The following GRAMD1C variants were observed in gnomAD, a reference collection of about 807,000 sequenced individuals.
GRAMD1C encodes protein Aster-C.
Under a neutral mutation model 97.8 loss-of-function variants are expected in GRAMD1C, and 89 were observed. That is an observed-to-expected ratio of 0.91 (90% CI 0.77 to 1.09). The LOEUF is 1.09. GRAMD1C is among the 50% of genes least tolerant of loss of function. The pLI, the probability that GRAMD1C is intolerant of heterozygous loss-of-function variation, is 0.00. For synonymous variants in GRAMD1C, 256 were observed against 267.0 expected (o/e 0.96, Z 0.40); for missense variants, 740 against 766.4 (o/e 0.97, Z 0.41).
intron 7 of GRAMD1C, among the ~76,000 whole-genome samples, chr3:113,901,568 A>G (rs1402598790): frequency 6.6e-6 from 1 of 152,234 alleles, no homozygotes; most frequent in Non-Finnish European, 1.5e-5. Flanking sequence ...TATTGAATAC[A>G]TTAATGGAAG....
chr3:113,857,179 A>AT (rs1553716169), intron 2 of GRAMD1C, among the ~76,000 whole-genome samples: 13 of 151,546 alleles, frequency 8.6e-5, no homozygotes, highest in Admixed American at 2.6e-4. Flanking sequence ...AAACAAACAA[A>AT]AAAATAAAAC....
chr3:113,927,814 A>G (rs960739854), intron 10 of GRAMD1C, among the ~76,000 whole-genome samples: 1 of 152,182 alleles, frequency 6.6e-6, no homozygotes, highest in African/African-American at 2.4e-5. Context: ...GGCTAGCACC[A>G]AGTCTTGTCT....
chr3:113,941,003 T>C (rs1937749460), intron 17 of GRAMD1C, among the ~76,000 whole-genome samples: 1 of 152,252 alleles, frequency 6.6e-6, no homozygotes, highest in Non-Finnish European at 1.5e-5. Context: ...CCAGTGGCCC[T>C]CTATGCCGGG....
At chr3:113,839,507 ATTTTAC>A (rs1362574335) in intron 1 of GRAMD1C, among the ~76,000 whole-genome samples, 6 of 152,120 alleles carry the variant, frequency 3.9e-5, no homozygotes, top group South Asian at 2.1e-4. Flanking sequence ...GTGTGTATGT[ATTTTAC>A]TTTTAGAGAA....
intron 5 of GRAMD1C, among the ~76,000 whole-genome samples, chr3:113,880,071 G>A (rs1045031445): frequency 6.6e-6 from 1 of 152,140 alleles, no homozygotes; most frequent in African/African-American, 2.4e-5. Flanking sequence ...CACACTCCTA[G>A]TGTGGATGCC....
upstream of GRAMD1C, among the ~76,000 whole-genome samples, chr3:113,836,410 G>A (rs552229113): frequency 6.6e-6 from 1 of 152,216 alleles, no homozygotes; most frequent in Admixed American, 6.5e-5. Context: ...CTGAATAGTA[G>A]TATACCCTCC....
At chr3:113,890,186 G>A (rs1468568634) in intron 6 of GRAMD1C, among the ~76,000 whole-genome samples, 2 of 152,150 alleles carry the variant, frequency 1.3e-5, no homozygotes, top group Non-Finnish European at 2.9e-5. Flanking sequence ...AAGGGACAGA[G>A]GAGAAAAGCT....
chr3:113,840,127 C>T (rs1022165050), intron 1 of GRAMD1C, among the ~76,000 whole-genome samples: 7 of 152,098 alleles, frequency 4.6e-5, no homozygotes, highest in East Asian at 1.9e-4. Flanking sequence ...CCACCACGCC[C>T]GGCTAATTTT....
intron 10 of GRAMD1C, among the ~76,000 whole-genome samples, chr3:113,921,967 T>A (rs1937074866): frequency 6.6e-6 from 1 of 152,198 alleles, no homozygotes; most frequent in South Asian, 2.1e-4. Flanking sequence ...TTAGTTTAAT[T>A]ATGTCCCATT....
At chr3:113,916,253 A>C (rs1469918893) in intron 10 of GRAMD1C, among the ~76,000 whole-genome samples, 1 of 152,208 alleles carries the variant, frequency 6.6e-6, no homozygotes, top group African/African-American at 2.4e-5. Flanking sequence ...ACTCCTAGGT[A>C]TACATTCATC....
chr3:113,883,347 A>G (rs1293202252), intron 6 of GRAMD1C, among the ~76,000 whole-genome samples: 1 of 152,066 alleles, frequency 6.6e-6, no homozygotes, highest in East Asian at 1.9e-4. Flanking sequence ...TAACACAGCA[A>G]AACCCTGTCT....
chr3:113,886,015 A>C, intron 6 of GRAMD1C: 1 of 1,339,208 alleles, frequency 7.5e-7, no homozygotes, highest in Non-Finnish European at 1.0e-6. Flanking sequence ...AACCTTCACC[A>C]ACATCGGCTC....
intron 7 of GRAMD1C, among the ~76,000 whole-genome samples, chr3:113,903,546 C>T (rs984924838): frequency 1.1e-4 from 16 of 152,080 alleles, no homozygotes; most frequent in African/African-American, 3.4e-4. Flanking sequence ...TCTTTTTGCT[C>T]CTTGAGAAAG....
intron 6 of GRAMD1C, among the ~76,000 whole-genome samples, chr3:113,887,624 C>T (rs538444724): frequency 1.4e-5 from 2 of 146,806 alleles, no homozygotes; most frequent in Admixed American, 7.0e-5. Flanking sequence ...AGGAGAATGG[C>T]GTGAACCCAG....
At chr3:113,849,548 C>T (rs1216580013) in intron 2 of GRAMD1C, among the ~76,000 whole-genome samples, 3 of 151,694 alleles carry the variant, frequency 2.0e-5, no homozygotes, top group Non-Finnish European at 4.4e-5. Flanking sequence ...CATCTTGCAC[C>T]GCCCTTAATC....
chr3:113,860,275 C>T (rs965126104), intron 2 of GRAMD1C, among the ~76,000 whole-genome samples: 1 of 152,170 alleles, frequency 6.6e-6, no homozygotes, highest in Non-Finnish European at 1.5e-5. Context: ...CCGCCTTGGC[C>T]TCCCAAAGTG....
At position 113,920,018 on chromosome 3, in the gene GRAMD1C, G is replaced by C. The variant is rs963596270; in HGVS notation, c.1090+4180G>C. ...CCAACAATCAGATGTGAACCAAAAA[G>C]TTTCAGTAAGGTACTTTTTGAATTT... is the stretch of plus-strand genomic sequence containing the variant. On this transcript the variant is annotated intron_variant, in intron 10 of 17. Transcript: ENST00000358160. 6 of 767,730 alleles carry C rather than the reference G, an allele frequency of 7.8e-6. No individual in the cohort carries two copies. The African/African-American group carries it at 1.0e-4, about 13-fold the overall frequency. The allele number at this position is 767,730 out of a possible 1,614,324, so 47.6% of individuals were successfully genotyped here.
At chr3:113,927,395 G>A (rs1227561185) in intron 10 of GRAMD1C, among the ~76,000 whole-genome samples, 1 of 152,108 alleles carries the variant, frequency 6.6e-6, no homozygotes, top group Non-Finnish European at 1.5e-5. Context: ...TTGGCAGACA[G>A]GCCATATGCT....
intron 13 of GRAMD1C, among the ~76,000 whole-genome samples, 177 bp downstream of exon 13, chr3:113,934,712 AT>A (rs1319372732): frequency 4.6e-5 from 7 of 152,066 alleles, no homozygotes; most frequent in African/African-American, 1.4e-4. Context: ...AAAACTTTTA[AT>A]TTTCATTGGT....
Sources: allele counts gnomAD v4.1 joint callset (sites outside exome capture counted in the v4.1 genomes callset), GRCh38; gene constraint gnomAD v4.1.1; transcripts MANE v1.5; gene names NCBI Gene and HGNC (gene_info 2026-07-23, HGNC 2026-07-21).